The following KIAA0586 variants were observed in gnomAD, a reference collection of about 807,000 sequenced individuals.
The protein encoded by KIAA0586 is KIAA0586.
Under a neutral mutation model 169.8 loss-of-function variants are expected in KIAA0586, and 144 were observed. The ratio of observed to expected loss-of-function variants is 0.85; its 90% CI spans 0.74 to 0.97. The LOEUF is 0.97. Ranked by LOEUF, KIAA0586 falls within the 50% of genes least tolerant of loss-of-function variation. The probability of loss-of-function intolerance (pLI) is 0.00; values close to 1 mark genes in which losing one functional copy is unlikely to be tolerated. For missense variants in KIAA0586, 1,854 were observed against 1,823.0 expected, an observed-to-expected ratio of 1.02 and a Z score of -0.31; for synonymous variants, 625 against 612.4, an observed-to-expected ratio of 1.02 and a Z score of -0.30.
rs574947159 is a variant in KIAA0586 at position 58,486,950 on chromosome 14, A to T, written c.3145-57A>T. The stretch of plus-strand genomic sequence containing the variant: ...CTATGAATGAGTTCATATTATTTTC[A>T]AATTACTTTTATTTGGGTGATTATA... On this transcript the variant is annotated intron_variant, in intron 21 of 30. Coordinates refer to ENST00000652326, the MANE Select transcript of KIAA0586 (RefSeq NM_001329943.3). The T allele has an allele frequency of 4.3e-6, 6 of 1,403,892 alleles. No individual in the cohort carries two copies. In the African/African-American group the frequency reaches 8.6e-5, roughly 20 times the overall value. 87.0% of individuals were successfully genotyped at this position (1,403,892 alleles called of 1,614,324 possible).
chr14:58,558,399 AT>A, the KIAA0586 span, among the ~76,000 whole-genome samples: 17 of 152,200 alleles, frequency 1.1e-4, no homozygotes, highest in Non-Finnish European at 2.4e-4. Flanking sequence ...TTCAGTTGAC[AT>A]TTTATGTCCC....
chr14:58,440,457 G>A (rs2038230732), intron 4 of KIAA0586, among the ~76,000 whole-genome samples: 1 of 152,080 alleles, frequency 6.6e-6, no homozygotes, highest in Admixed American at 6.5e-5. Context: ...TCAGCCTCCT[G>A]AGTAGCTGGT....
At chr14:58,537,144 C>A in intron 29 of KIAA0586, 1 of 1,088,254 alleles carries the variant, frequency 9.2e-7, no homozygotes. Flanking sequence ...TTCCAGTAAA[C>A]CTCGTAAATC....
At chr14:58,449,089 T>G (rs1033008511) in intron 7 of KIAA0586, among the ~76,000 whole-genome samples, 1 of 152,230 alleles carries the variant, frequency 6.6e-6, no homozygotes, top group East Asian at 1.9e-4. Flanking sequence ...GTTATTGATA[T>G]TTGAATAATG....
chr14:58,497,523 C>G (rs1221396127), intron 26 of KIAA0586, among the ~76,000 whole-genome samples: 2 of 151,588 alleles, frequency 1.3e-5, no homozygotes, highest in African/African-American at 4.9e-5. Flanking sequence ...CCACGCCTGG[C>G]TAATTTTTGT....
rs1383490784 is a variant in KIAA0586 at position 58,461,024 on chromosome 14, TTA to T, written c.1927_1928del (p.Met643ValfsTer17). 5.0e-6 allele frequency: 8 copies of T among 1,610,904 alleles called. No individual in the cohort carries two copies. Among genetic ancestry groups the T allele is most frequent in the Non-Finnish European group, 6.8e-6 (8 of 1,178,896 alleles). On this transcript the variant is annotated frameshift_variant, in exon 14 of 31. Coordinates refer to ENST00000652326, the MANE Select transcript of KIAA0586 (RefSeq NM_001329943.3). LOFTEE classifies it high-confidence loss of function. Reference sequence around the variant, plus strand: ...CAACCACAGTAATACAAGATGAAGATTATATGTTACAAGTCTATGGAAAGCCA... The same window carrying T: ...CAACCACAGTAATACAAGATGAAGATTATGTTACAAGTCTATGGAAAGCCA... ...KATTVIQDED[Y>X]MLQVYGKPVY... is the part of the protein sequence containing the mutation.
rs373703542 is a variant in KIAA0586 at position 58,478,579 on chromosome 14, C to G, written c.2944+1338C>G. Among the ~76,000 whole-genome samples the G allele has an allele frequency of 2.6e-5, 4 of 152,232 alleles. 1 individual carries two copies. On this transcript the variant is annotated intron_variant, in intron 20 of 30. Transcript: ENST00000652326. ...ACTCCTGGCCTCAAGTGATCCTCCT[C>G]CCTCAGCCTCCCAAAGCACTGGGAT...
intron 29 of KIAA0586, chr14:58,521,527 G>T: frequency 1.3e-6 from 1 of 787,656 alleles, no homozygotes; most frequent in Non-Finnish European, 2.3e-6. Context: ...TCCTCCTATT[G>T]CTCGGGCTGT....
chr14:58,516,957 T>C (rs552801732), intron 29 of KIAA0586, among the ~76,000 whole-genome samples: 1 of 152,192 alleles, frequency 6.6e-6, no homozygotes, highest in Admixed American at 6.5e-5. Flanking sequence ...AAAAAGAACC[T>C]CAATCTATAT....
intron 30 of KIAA0586, among the ~76,000 whole-genome samples, chr14:58,545,747 G>A (rs1595559922): frequency 6.6e-6 from 1 of 152,164 alleles, no homozygotes; most frequent in East Asian, 1.9e-4. Context: ...CAGGCATGGT[G>A]GCTCACATCT....
chr14:58,440,302 C>G (rs1318139047), intron 4 of KIAA0586: 2 of 365,536 alleles, frequency 5.5e-6, no homozygotes, highest in African/African-American at 2.2e-5. Flanking sequence ...CTCTCTCTCT[C>G]TCTTCCTCCC....
chr14:58,519,267 TAG>T (rs2045007964), intron 29 of KIAA0586, among the ~76,000 whole-genome samples: 1 of 152,190 alleles, frequency 6.6e-6, no homozygotes, highest in African/African-American at 2.4e-5. Context: ...TTTATAGAGA[TAG>T]AGTTTCACTG....
intron 30 of KIAA0586, among the ~76,000 whole-genome samples, chr14:58,546,374 A>G (rs920899478): frequency 1.3e-5 from 2 of 152,194 alleles, no homozygotes; most frequent in Non-Finnish European, 2.9e-5. Context: ...TTGAGACATC[A>G]TTAAAATCTC....
At chr14:58,484,880 A>ATATATATATTTATATATATATATATT (rs2042270276) in intron 21 of KIAA0586, among the ~76,000 whole-genome samples, 1 of 51,814 alleles carries the variant, frequency 1.9e-5, no homozygotes, top group Non-Finnish European at 3.5e-5. Context: ...TATATATATT[A>ATATATATATTTATATATATATATATT]TATATATATT....
rs1428359013 is a variant in KIAA0586, at chr14:58,513,300, G to A, written c.4429+673G>A. Among the ~76,000 whole-genome samples, 13 of 152,180 alleles carry A rather than the reference G, an allele frequency of 8.5e-5. No individual in the cohort carries two copies. In the South Asian group the frequency reaches 2.7e-3, roughly 32 times the overall value. The stretch of plus-strand genomic sequence containing the variant: ...AAACTTTCTGCCCACAATTCTGGAA[G>A]AAGTATTAGAAATATTTTGAGAAGT... On this transcript the variant is annotated intron_variant, in intron 29 of 30. Coordinates refer to ENST00000652326, the MANE Select transcript of KIAA0586 (RefSeq NM_001329943.3).
At chr14:58,532,705 A>AAAAT (rs973938546) in intron 29 of KIAA0586, among the ~76,000 whole-genome samples, 1 of 152,158 alleles carries the variant, frequency 6.6e-6, no homozygotes, top group African/African-American at 2.4e-5. Context: ...CCTTGACCTA[A>AAAAT]AAATGGTGAT....
intron 18 of KIAA0586, among the ~76,000 whole-genome samples, chr14:58,473,549 T>C (rs2041383080): frequency 6.6e-6 from 1 of 152,158 alleles, no homozygotes. Flanking sequence ...CAAAAAGTGA[T>C]TTTGGAAGTG....
intron 8 of KIAA0586, 81 bp from the exon 9 acceptor site, chr14:58,453,269 A>G: frequency 1.3e-6 from 1 of 782,212 alleles, no homozygotes; most frequent in Non-Finnish European, 1.9e-6. Context: ...AACTTAGGCC[A>G]GAATACAAAT....
chr14:58,455,275 G>A (rs893251603), intron 9 of KIAA0586, among the ~76,000 whole-genome samples: 1 of 152,114 alleles, frequency 6.6e-6, no homozygotes, highest in East Asian at 1.9e-4. Context: ...GTTTCTTTTA[G>A]TAATAGCTGA....
Sources: allele counts gnomAD v4.1 joint callset (sites outside exome capture counted in the v4.1 genomes callset), GRCh38; gene constraint gnomAD v4.1.1; transcripts MANE v1.5; gene names NCBI Gene and HGNC (gene_info 2026-07-23, HGNC 2026-07-21).